Variants in AFF3 observed in about 807,000 individuals in gnomAD.
The protein encoded by AFF3 is ALF transcription elongation factor 3, also known as AF4/FMR2 family member 3.
Under a neutral mutation model 129.7 loss-of-function variants are expected in AFF3, and 32 were observed. The observed-to-expected ratio is 0.25, with a 90% CI of 0.19 to 0.33. The LOEUF (loss-of-function observed/expected upper bound fraction) is 0.33. Ranked by LOEUF, AFF3 falls within the 10% of genes least tolerant of loss-of-function variation. The pLI, the probability that AFF3 is intolerant of heterozygous loss-of-function variation, is 1.00. For missense variants in AFF3, 1,373 were observed against 1,592.0 expected (o/e 0.86, Z 2.34); for synonymous variants, 644 against 635.4 (o/e 1.01, Z -0.20).
At position 99,744,147 on chromosome 2, in the gene AFF3, G is replaced by A. The variant is rs760695643; in HGVS notation, c.1003-7C>T. On this transcript the variant is annotated splice_polypyrimidine_tract_variant and splice_region_variant and intron_variant, in intron 9 of 24. Coordinates refer to ENST00000672756, the MANE Select transcript of AFF3 (RefSeq NM_001386135.1). ...AGGATACAAGCTGAGAGTCCTGAAA[G>A]AACAAGAAATATCAATTAATTTTCT... The A allele has an allele frequency of 6.2e-7, 1 of 1,600,820 alleles. No homozygotes were observed. The highest frequency in any genetic ancestry group is 1.1e-5 in the South Asian group (1 of 89,012).
At chr2:99,787,767 G>A (rs6719359) in intron 8 of AFF3, among the ~76,000 whole-genome samples, 3 of 152,140 alleles carry the variant, frequency 2.0e-5, no homozygotes, top group Admixed American at 6.5e-5. Flanking sequence ...ACAACAATCC[G>A]GGAGCCTGGA....
chr2:99,610,045 C>T (rs1369143161), intron 13 of AFF3, among the ~76,000 whole-genome samples: 3 of 152,212 alleles, frequency 2.0e-5, no homozygotes, highest in Non-Finnish European at 2.9e-5. Context: ...CGAGTTCCAT[C>T]ATCTCCCCAC....
At chr2:99,643,000 T>C (rs2105516611) in intron 13 of AFF3, among the ~76,000 whole-genome samples, 1 of 151,998 alleles carries the variant, frequency 6.6e-6, no homozygotes, top group African/African-American at 2.4e-5. Context: ...AAGGGATAAA[T>C]GCTTGAGGTA....
intron 8 of AFF3, among the ~76,000 whole-genome samples, chr2:99,781,519 G>A (rs559279151): frequency 1.8e-4 from 28 of 152,130 alleles, no homozygotes; most frequent in Non-Finnish European, 2.2e-4. Context: ...TATTTTAAAC[G>A]ATGTTTTACT....
intron 7 of AFF3, among the ~76,000 whole-genome samples, chr2:99,998,632 G>T (rs996514382): frequency 1.3e-5 from 2 of 152,158 alleles, no homozygotes; most frequent in Non-Finnish European, 2.9e-5. Flanking sequence ...TTAAAAACAT[G>T]CCAAGGCCTA....
chr2:100,092,571 T>G (rs953725569), intron 4 of AFF3, among the ~76,000 whole-genome samples: 1 of 152,270 alleles, frequency 6.6e-6, no homozygotes, highest in African/African-American at 2.4e-5. Context: ...CAAGGCCCTC[T>G]GAGAGCTGCT....
chr2:99,718,835 C>A (rs969557704), intron 11 of AFF3, among the ~76,000 whole-genome samples: 7 of 151,666 alleles, frequency 4.6e-5, no homozygotes, highest in Non-Finnish European at 1.0e-4. Context: ...ACTGCAAGCT[C>A]TGCCTCCCGG....
chr2:99,631,016 C>G (rs1245781377), intron 13 of AFF3: 8 of 463,066 alleles, frequency 1.7e-5, no homozygotes, highest in Non-Finnish European at 3.1e-5. Flanking sequence ...CCAGCTAAGG[C>G]TGAAGACAGG....
At chr2:99,757,292 A>G (rs543939812) in intron 8 of AFF3, among the ~76,000 whole-genome samples, 10 of 152,254 alleles carry the variant, frequency 6.6e-5, no homozygotes, top group Non-Finnish European at 1.0e-4. Context: ...GAGCGATTCA[A>G]ACTCACCATG....
intron 4 of AFF3, among the ~76,000 whole-genome samples, chr2:100,023,866 G>C (rs1304842701): frequency 6.6e-6 from 1 of 152,204 alleles, no homozygotes; most frequent in Non-Finnish European, 1.5e-5. Context: ...CAGGTGGCCT[G>C]GGTAGGCTGT....
intron 4 of AFF3, chr2:100,011,432 C>A: frequency 1.3e-6 from 1 of 779,672 alleles, no homozygotes; most frequent in Non-Finnish European, 2.4e-6. Context: ...TAAGATGGAG[C>A]AGGCAGGTGG....
At chr2:99,583,502 C>A in intron 16 of AFF3, among the ~76,000 whole-genome samples, 1 of 152,086 alleles carries the variant, frequency 6.6e-6, no homozygotes, top group South Asian at 2.1e-4. Flanking sequence ...CCCACTTCAG[C>A]CTCCTGAGTA....
intron 12 of AFF3, among the ~76,000 whole-genome samples, chr2:99,661,698 T>C (rs185756350): frequency 9.2e-5 from 14 of 152,346 alleles, no homozygotes; most frequent in African/African-American, 2.9e-4. Context: ...TTTTGGAAAT[T>C]ATAGTCCATT....
intron 4 of AFF3, among the ~76,000 whole-genome samples, chr2:100,041,380 T>A (rs1685416521): frequency 6.6e-6 from 1 of 152,228 alleles, no homozygotes; most frequent in Non-Finnish European, 1.5e-5. Context: ...ATGATTTTAA[T>A]TCTGGAGTGC....
intron 10 of AFF3, among the ~76,000 whole-genome samples, chr2:99,736,678 T>TTCCTTTAGTATCTATAATACA (rs1448576113): frequency 1.1e-4 from 16 of 151,198 alleles, no homozygotes; most frequent in African/African-American, 3.9e-4. Flanking sequence ...GGCACAATCT[T>TTCCTTTAGTATCTATAATACA]GGCTCACTGC....
Position 100,024,346 on chromosome 2 carries a change from G to A in AFF3, c.54-15414C>T, listed in dbSNP as rs1683861020. Among the ~76,000 whole-genome samples, 8 of 151,896 alleles carry A rather than the reference G, an allele frequency of 5.3e-5. No homozygotes were observed. The South Asian group carries it at 1.2e-3, about 24-fold the overall frequency. On this transcript the variant is annotated intron_variant, in intron 4 of 24. Coordinates refer to ENST00000672756, the MANE Select transcript of AFF3 (RefSeq NM_001386135.1). ...TCCCAGCACTTTGGGAGGCTAAGGCGGGTGGATCACCTGAGGTCGGGAGTT... is the reference window on the plus strand; with the variant it reads ...TCCCAGCACTTTGGGAGGCTAAGGCAGGTGGATCACCTGAGGTCGGGAGTT...
At chr2:99,630,822 G>A (rs377504736) in intron 13 of AFF3, 2 of 237,234 alleles carry the variant, frequency 8.4e-6, no homozygotes, top group Non-Finnish European at 1.9e-5. Context: ...CTCCCACCAG[G>A]TCCCTCTCTT....
At chr2:100,021,917 C>T (rs573896146) in intron 4 of AFF3, among the ~76,000 whole-genome samples, 16 of 152,272 alleles carry the variant, frequency 1.1e-4, no homozygotes, top group African/African-American at 3.8e-4. Flanking sequence ...ATTTAATGCT[C>T]ATTATACACA....
At chr2:99,984,535 C>T (rs1679687652) in intron 7 of AFF3, among the ~76,000 whole-genome samples, 3 of 151,878 alleles carry the variant, frequency 2.0e-5, no homozygotes, top group Admixed American at 6.6e-5. Flanking sequence ...GTTTGGGTAA[C>T]CTATAGGATC....
Sources: gnomAD v4.1 joint callset for allele counts (sites outside exome capture counted in the v4.1 genomes callset) on GRCh38, gnomAD v4.1.1 for gene constraint, MANE v1.5 for transcripts, NCBI Gene and HGNC (gene_info 2026-07-23, HGNC 2026-07-21) for gene names.